The following EYA1 variants were observed in gnomAD, a reference collection of about 807,000 sequenced individuals.
EYA1 encodes the protein EYA transcriptional coactivator and phosphatase 1.
In EYA1, 16 loss-of-function variants were observed where a neutral mutation model predicts 82.0. The observed-to-expected ratio is 0.20, with a 90% CI of 0.13 to 0.30. The LOEUF is 0.30. EYA1 is among the 10% of genes least tolerant of loss of function. EYA1 has a pLI of 1.00. For synonymous variants in EYA1, 261 were observed against 264.4 expected (o/e 0.99, Z 0.12); for missense variants, 633 against 730.7 (o/e 0.87, Z 1.54).
intron 2 of EYA1, among the ~76,000 whole-genome samples, chr8:71,448,030 G>A (rs1168087089): frequency 6.6e-5 from 3 of 45,694 alleles, no homozygotes; most frequent in East Asian, 2.2e-3. Context: ...TTTTTTTCTC[G>A]CTCCGTTGCC....
At chr8:71,453,801 A>G (rs1486888037) in intron 2 of EYA1, among the ~76,000 whole-genome samples, 1 of 152,226 alleles carries the variant, frequency 6.6e-6, no homozygotes, top group African/African-American at 2.4e-5. Flanking sequence ...AACAGGTACG[A>G]GCCACTGCAA....
chr8:71,524,961 T>C (rs1221067935), intron 2 of EYA1, among the ~76,000 whole-genome samples: 1 of 152,250 alleles, frequency 6.6e-6, no homozygotes, highest in Non-Finnish European at 1.5e-5. Context: ...CACACATTTG[T>C]TGCCTTTTGA....
At chr8:71,442,010 C>T (rs1806469649) in intron 2 of EYA1, among the ~76,000 whole-genome samples, 1 of 152,200 alleles carries the variant, frequency 6.6e-6, no homozygotes, top group South Asian at 2.1e-4. Flanking sequence ...AATCTGCCTG[C>T]ACCTTGATCT....
At chr8:71,233,293 G>C (rs558390486) in intron 12 of EYA1, among the ~76,000 whole-genome samples, 17 of 152,036 alleles carry the variant, frequency 1.1e-4, no homozygotes, top group Non-Finnish European at 2.4e-4. Flanking sequence ...TGCCGGGTGC[G>C]GTGGCTCATG....
At chr8:71,508,015 T>C (rs1812319920) in intron 2 of EYA1, among the ~76,000 whole-genome samples, 1 of 152,198 alleles carries the variant, frequency 6.6e-6, no homozygotes, top group African/African-American at 2.4e-5. Flanking sequence ...AATCTAATCA[T>C]GGCTTGATGG....
chr8:71,378,035 C>T (rs2129096653), intron 2 of EYA1, among the ~76,000 whole-genome samples: 1 of 152,326 alleles, frequency 6.6e-6, no homozygotes, highest in African/African-American at 2.4e-5. Context: ...CTCTCTCCAA[C>T]ATCTTCTCCC....
intron 2 of EYA1, among the ~76,000 whole-genome samples, chr8:71,447,267 G>A (rs1806967400): frequency 6.6e-6 from 1 of 151,796 alleles, no homozygotes; most frequent in Admixed American, 6.6e-5. Context: ...CTACTAAATG[G>A]CTACCTATCA....
intron 2 of EYA1, among the ~76,000 whole-genome samples, chr8:71,417,373 T>A (rs1830910990): frequency 6.6e-6 from 1 of 152,224 alleles, no homozygotes; most frequent in African/African-American, 2.4e-5. Context: ...GTTGTAGATA[T>A]TTCTGATTGT....
chr8:71,401,503 T>G (rs1015219680), intron 2 of EYA1, among the ~76,000 whole-genome samples: 1 of 152,250 alleles, frequency 6.6e-6, no homozygotes, highest in Non-Finnish European at 1.5e-5. Context: ...CAGCTTACCT[T>G]TTCCTCTGAA....
chr8:71,221,004 G>A (rs768365097), intron 12 of EYA1, among the ~76,000 whole-genome samples: 6 of 152,230 alleles, frequency 3.9e-5, no homozygotes, highest in Non-Finnish European at 5.9e-5. Context: ...CTAACTACAC[G>A]TGATAATTAA....
At chr8:71,284,583 C>A (rs1818171340) in intron 9 of EYA1, among the ~76,000 whole-genome samples, 2 of 152,190 alleles carry the variant, frequency 1.3e-5, no homozygotes. Flanking sequence ...GTGTTTTATA[C>A]AAGTGTATTT....
intron 12 of EYA1, among the ~76,000 whole-genome samples, chr8:71,221,427 G>A (rs865794184): frequency 2.6e-5 from 4 of 152,162 alleles, no homozygotes; most frequent in Non-Finnish European, 4.4e-5. Flanking sequence ...AGTCACAGAT[G>A]TGAGAACTGA....
intron 2 of EYA1, among the ~76,000 whole-genome samples, chr8:71,492,339 T>TAAAAATA (rs1360108534): frequency 1.3e-5 from 2 of 152,164 alleles, no homozygotes; most frequent in African/African-American, 2.4e-5. Flanking sequence ...AACAAATATA[T>TAAAAATA]TTTTAATGGA....
At chr8:71,305,516 C>T (rs925269472) in intron 7 of EYA1, among the ~76,000 whole-genome samples, 2 of 149,912 alleles carry the variant, frequency 1.3e-5, no homozygotes, top group East Asian at 2.0e-4. Context: ...AAAAATTAGC[C>T]GGATGTGTAA....
chr8:71,332,697 C>G (rs537373848), intron 4 of EYA1, among the ~76,000 whole-genome samples: 1 of 152,126 alleles, frequency 6.6e-6, no homozygotes, highest in Non-Finnish European at 1.5e-5. Context: ...CCTTTGATGC[C>G]TCCCATTGCA....
Position 71,361,924 on chromosome 8 carries a change from C to A in EYA1, c.-332G>T, listed in dbSNP as rs913163937. 10 of 985,450 alleles carry A rather than the reference C, an allele frequency of 1.0e-5. No homozygotes were observed. Among genetic ancestry groups the A allele is most frequent in the Non-Finnish European group, 1.2e-5 (10 of 829,968 alleles). 61.0% of individuals were successfully genotyped at this position (985,450 alleles called of 1,614,324 possible). A position where few individuals can be genotyped will look rare whatever the true frequency, so the allele number is the denominator to read the frequency against. The stretch of plus-strand genomic sequence containing the variant: ...AGAAACCCGCCACAGTGGACGGCAA[C>A]AGGAAGGCTTAAAGTCGGAAGTGGC... On this transcript the variant is annotated 5_prime_UTR_variant, in exon 1 of 18. Coordinates refer to ENST00000340726, the MANE Select transcript of EYA1 (RefSeq NM_000503.6).
chr8:71,199,108 A>G lies in EYA1; in HGVS notation c.*232T>C, dbSNP rs1013367260. 3.4e-6 allele frequency: 2 copies of G among 596,556 alleles called. No homozygotes were observed. The highest frequency in any genetic ancestry group is 2.5e-5 in the Admixed American group (1 of 40,684). 37.0% of individuals were successfully genotyped at this position (596,556 alleles called of 1,614,324 possible). ...CAGACACATAACGCTGTGCTAAAAC[A>G]TTCTCATGGCTTATTTTCACTGGAT... is the stretch of plus-strand genomic sequence containing the variant. On this transcript the variant is annotated 3_prime_UTR_variant, in exon 18 of 18. Transcript: ENST00000340726.
At chr8:71,266,970 T>G (rs1294548362) in intron 11 of EYA1, among the ~76,000 whole-genome samples, 1 of 152,234 alleles carries the variant, frequency 6.6e-6, no homozygotes, top group Non-Finnish European at 1.5e-5. Flanking sequence ...GTTCTCTACC[T>G]GCAATGTAAT....
At chr8:71,401,538 A>G (rs71525124) in intron 2 of EYA1, among the ~76,000 whole-genome samples, 2,680 of 152,348 alleles carry the variant, frequency 0.018, 45 homozygotes, top group Non-Finnish European at 0.026. Context: ...GCATATTAGC[A>G]TATTTCACAG....
Sources: gnomAD v4.1 joint callset for allele counts (sites outside exome capture counted in the v4.1 genomes callset) on GRCh38, gnomAD v4.1.1 for gene constraint, MANE v1.5 for transcripts, NCBI Gene and HGNC (gene_info 2026-07-23, HGNC 2026-07-21) for gene names.